MED13L: variants seen among roughly 807,000 people sequenced by gnomAD.
MED13L encodes mediator of RNA polymerase II transcription subunit 13-like.
A neutral mutation model predicts 220.9 loss-of-function variants in MED13L; 7 were observed. That is an observed-to-expected ratio of 0.03 (90% CI 0.02 to 0.06). MED13L has a LOEUF of 0.06. Among genes scored for constraint, MED13L ranks in the 10% least tolerant of loss-of-function variants. The probability of loss-of-function intolerance (pLI) is 1.00; values close to 1 mark genes in which losing one functional copy is unlikely to be tolerated. For synonymous variants in MED13L, 1,011 were observed against 1,015.2 expected, an observed-to-expected ratio of 1.00 and a Z score of 0.08; for missense variants, 1,965 against 2,760.5, an observed-to-expected ratio of 0.71 and a Z score of 6.46.
intron 1 of MED13L, among the ~76,000 whole-genome samples, chr12:116,238,710 TG>T (rs1870328257): frequency 6.6e-6 from 1 of 151,982 alleles, no homozygotes; most frequent in South Asian, 2.1e-4. Flanking sequence ...CTAACATAAT[TG>T]AAACATATTA....
At chr12:115,998,224 T>C (rs187307984) in intron 14 of MED13L, among the ~76,000 whole-genome samples, 64 of 152,346 alleles carry the variant, frequency 4.2e-4, no homozygotes, top group East Asian at 3.5e-3. Flanking sequence ...TATTGAAAAG[T>C]TGTAGTTGTA....
Position 116,210,213 on chromosome 12 carries a change from A to G in MED13L, c.310+27255T>C, listed in dbSNP as rs181115142. Among the ~76,000 whole-genome samples the G allele has an allele frequency of 2.5e-3, 377 of 152,278 alleles. 1 individual carries two copies. Among genetic ancestry groups the G allele is most frequent in the Admixed American group, 5.8e-3 (89 of 15,284 alleles). On this transcript the variant is annotated intron_variant, in intron 2 of 30. Transcript: ENST00000281928. ...CTACAACAGTACACAGATATTCTCTAAACTATATTCAGAGGATCTGAATCT... is the reference window on the plus strand; with the variant it reads ...CTACAACAGTACACAGATATTCTCTGAACTATATTCAGAGGATCTGAATCT...
intron 4 of MED13L, among the ~76,000 whole-genome samples, chr12:116,034,583 G>A (rs1281441383): frequency 6.6e-6 from 1 of 152,084 alleles, no homozygotes; most frequent in Non-Finnish European, 1.5e-5. Context: ...ATATTCTCTG[G>A]GCTAGAAAGG....
intron 9 of MED13L, among the ~76,000 whole-genome samples, chr12:116,010,299 T>C (rs888516871): frequency 7.2e-5 from 11 of 152,220 alleles, no homozygotes; most frequent in Non-Finnish European, 1.5e-4. Flanking sequence ...CACAGTAACA[T>C]GTGAACGTCT....
intron 2 of MED13L, among the ~76,000 whole-genome samples, chr12:116,184,371 ACTTTC>A (rs1880740981): frequency 6.6e-6 from 1 of 152,224 alleles, no homozygotes; most frequent in Non-Finnish European, 1.5e-5. Flanking sequence ...TGGAGACTAT[ACTTTC>A]AAGAAATGTG....
chr12:115,983,968 A>G (rs1877511974), intron 20 of MED13L, among the ~76,000 whole-genome samples: 2 of 152,264 alleles, frequency 1.3e-5, no homozygotes, highest in Admixed American at 1.3e-4. Context: ...TGCAGTAATT[A>G]GACATGATTA....
At chr12:116,120,473 TCTCTCACACACACACACACACACA>T (rs1203967638) in intron 2 of MED13L, among the ~76,000 whole-genome samples, 7 of 101,442 alleles carry the variant, frequency 6.9e-5, no homozygotes, top group African/African-American at 2.7e-4. Context: ...TCTCTCTCTC[TCTCTCACACACACACACACACACA>T]CACACACACA....
intron 4 of MED13L, among the ~76,000 whole-genome samples, chr12:116,062,398 C>A (rs1869570702): frequency 6.6e-6 from 1 of 151,940 alleles, no homozygotes; most frequent in South Asian, 2.1e-4. Flanking sequence ...AAGCAATCTG[C>A]CCACCTCAAC....
At chr12:116,123,231 T>C (rs757629094) in intron 2 of MED13L, among the ~76,000 whole-genome samples, 1 of 152,176 alleles carries the variant, frequency 6.6e-6, no homozygotes, top group Non-Finnish European at 1.5e-5. Flanking sequence ...ATTACTTTTA[T>C]AAGCTTACAT....
intron 16 of MED13L, among the ~76,000 whole-genome samples, chr12:115,996,113 CAG>C (rs1373454241): frequency 3.3e-5 from 5 of 151,900 alleles, no homozygotes; most frequent in East Asian, 1.9e-4. Context: ...CTTTCTGAGA[CAG>C]AGTCTCACTC....
At chr12:116,205,003 C>T (rs1882223612) in intron 2 of MED13L, among the ~76,000 whole-genome samples, 1 of 152,144 alleles carries the variant, frequency 6.6e-6, no homozygotes, top group Admixed American at 6.5e-5. Flanking sequence ...TGGTGGCTAC[C>T]TAGAACACCA....
At chr12:116,130,530 G>A (rs1232435942) in intron 2 of MED13L, among the ~76,000 whole-genome samples, 4 of 152,174 alleles carry the variant, frequency 2.6e-5, no homozygotes, top group Admixed American at 6.5e-5. Context: ...TTGACAAAAG[G>A]CCAAAAAGGA....
Position 116,006,296 on chromosome 12 carries a change from T to C in MED13L, c.2344+10A>G, listed in dbSNP as rs1364186550. ...ACAATCCAAGTGAGGCAAATAATCA[T>C]TGTACACACCTGTTTTAGTAGCAGA... On this transcript the variant is annotated intron_variant, in intron 12 of 30. Coordinates refer to ENST00000281928, the MANE Select transcript of MED13L (RefSeq NM_015335.5). 3.1e-6 allele frequency: 5 copies of C among 1,609,324 alleles called. No homozygotes were observed. Among genetic ancestry groups the C allele is most frequent in the Non-Finnish European group, 4.3e-6 (5 of 1,175,626 alleles).
At chr12:115,985,144 G>C (rs1877600866) in intron 19 of MED13L, among the ~76,000 whole-genome samples, 1 of 152,134 alleles carries the variant, frequency 6.6e-6, no homozygotes, top group Admixed American at 6.5e-5. Flanking sequence ...TTAAAAGAGT[G>C]TCTGTCTGTA....
At position 116,034,731 on chromosome 12, in the gene MED13L, C is replaced by A. The variant is rs972776639; in HGVS notation, c.480-12130G>T. ...GGGCACCCATACTAACAGAGAAACT[C>A]AGGCTGGGTCACACCTGTAATCCCA... is the stretch of plus-strand genomic sequence containing the variant. On this transcript the variant is annotated intron_variant, in intron 4 of 30. Transcript: ENST00000281928. Among the ~76,000 whole-genome samples the A allele has an allele frequency of 4.4e-4, 67 of 152,162 alleles. 2 individuals carry two copies. Among genetic ancestry groups the A allele is most frequent in the Non-Finnish European group, 1.5e-5 (1 of 68,018 alleles).
chr12:116,021,452 C>A (rs560441481), intron 5 of MED13L, among the ~76,000 whole-genome samples: 2 of 152,072 alleles, frequency 1.3e-5, no homozygotes, highest in Non-Finnish European at 2.9e-5. Context: ...AAATACTGTA[C>A]AATTTGTACT....
chr12:116,004,880 T>TA (rs1189458218), intron 13 of MED13L, among the ~76,000 whole-genome samples: 3 of 152,348 alleles, frequency 2.0e-5, no homozygotes, highest in South Asian at 4.1e-4. Flanking sequence ...AGCCTTAACT[T>TA]AAACACTGCT....
chr12:116,206,853 C>T (rs1007477818), intron 2 of MED13L, among the ~76,000 whole-genome samples: 3 of 152,104 alleles, frequency 2.0e-5, no homozygotes, highest in African/African-American at 7.2e-5. Flanking sequence ...TTTGGAACTA[C>T]ACTTCATAAT....
intron 4 of MED13L, among the ~76,000 whole-genome samples, chr12:116,042,588 T>C (rs1223949588): frequency 6.6e-6 from 1 of 152,244 alleles, no homozygotes; most frequent in Non-Finnish European, 1.5e-5. Context: ...AAGCCACATA[T>C]ACATGAATTC....
Sources: gnomAD v4.1 joint callset for allele counts (sites outside exome capture counted in the v4.1 genomes callset) on GRCh38, gnomAD v4.1.1 for gene constraint, MANE v1.5 for transcripts, NCBI Gene and HGNC (gene_info 2026-07-23, HGNC 2026-07-21) for gene names.